Variants in ROBO2 observed in about 807,000 individuals in gnomAD.
ROBO2 encodes the protein roundabout guidance receptor 2.
A neutral mutation model predicts 160.8 loss-of-function variants in ROBO2; 53 were observed. That is an observed-to-expected ratio of 0.33 (90% confidence interval 0.26 to 0.41). The LOEUF (loss-of-function observed/expected upper bound fraction) is 0.41, where lower values mean the gene tolerates loss of function less well. ROBO2 is among the 10% of genes least tolerant of loss of function. The probability of loss-of-function intolerance (pLI) is 1.00; values close to 1 mark genes in which losing one functional copy is unlikely to be tolerated. For synonymous variants in ROBO2, 664 were observed against 611.7 expected, an observed-to-expected ratio of 1.09 and a Z score of -1.26; for missense variants, 1,577 against 1,722.4, an observed-to-expected ratio of 0.92 and a Z score of 1.49.
chr3:76,310,893 A>G (rs2071549196), intron 2 of ROBO2, among the ~76,000 whole-genome samples: 1 of 152,192 alleles, frequency 6.6e-6, no homozygotes, highest in African/African-American at 2.4e-5. Context: ...AGGATCACAC[A>G]GGCAGCCTGA....
intron 2 of ROBO2, among the ~76,000 whole-genome samples, chr3:76,191,071 A>G (rs993917537): frequency 4.6e-5 from 7 of 152,132 alleles, no homozygotes; most frequent in Non-Finnish European, 1.0e-4. Flanking sequence ...CAACAGTAGA[A>G]TATTATATTT....
chr3:76,578,575 G>A (rs1396712996), intron 2 of ROBO2, among the ~76,000 whole-genome samples: 2 of 152,118 alleles, frequency 1.3e-5, no homozygotes, highest in South Asian at 2.1e-4. Context: ...TCACATAGTT[G>A]GTGTTCTGTC....
rs570777763 is a variant in ROBO2 at position 77,405,007 on chromosome 3, C to CA, written c.389-72402dup. On this transcript the variant is annotated intron_variant, in intron 2 of 25. Transcript: ENST00000461745. The stretch of plus-strand genomic sequence containing the variant: ...CCTTGAACATGCACTTCCCTGAAAG[C>CA]AAAAATCACAGAATTGTTTGTTTAC... Among the ~76,000 whole-genome samples the CA allele has an allele frequency of 3.4e-4, 52 of 152,212 alleles. No homozygotes were observed. In the South Asian group the frequency reaches 0.01, roughly 30 times the overall value.
chr3:75,908,595 C>T (rs1334752667), intron 1 of ROBO2, among the ~76,000 whole-genome samples: 1 of 152,024 alleles, frequency 6.6e-6, no homozygotes, highest in African/African-American at 2.4e-5. Context: ...TGCTATTTAA[C>T]TTCAAGTTTA....
intron 2 of ROBO2, among the ~76,000 whole-genome samples, chr3:76,660,013 AG>A (rs1207273423): frequency 2.0e-5 from 3 of 152,228 alleles, no homozygotes; most frequent in Admixed American, 2.0e-4. Context: ...AGTGTCTTCC[AG>A]TATGGACTGT....
At chr3:76,494,381 G>T (rs928824699) in intron 2 of ROBO2, among the ~76,000 whole-genome samples, 1 of 152,152 alleles carries the variant, frequency 6.6e-6, no homozygotes, top group African/African-American at 2.4e-5. Context: ...CAAAAGAAAT[G>T]AAGATGGAAA....
chr3:76,448,884 A>G (rs889124358), intron 2 of ROBO2, among the ~76,000 whole-genome samples: 1 of 152,158 alleles, frequency 6.6e-6, no homozygotes, highest in Non-Finnish European at 1.5e-5. Context: ...AGTGAAATAC[A>G]AGTCTAAATC....
At chr3:76,392,539 G>A (rs985807004) in intron 2 of ROBO2, among the ~76,000 whole-genome samples, 1 of 152,064 alleles carries the variant, frequency 6.6e-6, no homozygotes, top group Non-Finnish European at 1.5e-5. Context: ...CTATTTGACT[G>A]ATTTTAAGAA....
At chr3:77,434,464 C>T (rs767443330) in intron 2 of ROBO2, among the ~76,000 whole-genome samples, 1 of 152,122 alleles carries the variant, frequency 6.6e-6, no homozygotes, top group East Asian at 1.9e-4. Context: ...CATCTCCTAA[C>T]ACAACTTTAT....
intron 2 of ROBO2, among the ~76,000 whole-genome samples, chr3:77,372,161 A>C (rs1358657431): frequency 6.6e-6 from 1 of 152,012 alleles, no homozygotes; most frequent in East Asian, 1.9e-4. Flanking sequence ...GGAAGGAGGG[A>C]GAGAGTGAAG....
At chr3:75,962,831 G>A (rs1948969155) in intron 2 of ROBO2, among the ~76,000 whole-genome samples, 1 of 151,792 alleles carries the variant, frequency 6.6e-6, no homozygotes, top group African/African-American at 2.4e-5. Context: ...TATTTCAAGT[G>A]GGAGACTATG....
rs2090711269 is a variant in ROBO2, at chr3:77,522,554, G to T, written c.807-221G>T. Reference sequence around the variant, plus strand: ...GAAGTGGAAAGAATTCTATACATATGTGAAGTATAGGTAACTGACAAACAG... The same window carrying T: ...GAAGTGGAAAGAATTCTATACATATTTGAAGTATAGGTAACTGACAAACAG... On this transcript the variant is annotated intron_variant, in intron 5 of 25. Coordinates refer to ENST00000461745, the Ensembl canonical transcript of ROBO2. 2.0e-5 allele frequency among the ~76,000 whole-genome samples: 3 copies of T among 151,308 alleles called. No homozygotes were observed. In the South Asian group the frequency reaches 6.2e-4, roughly 31 times the overall value.
rs57829219 is a variant in ROBO2, at chr3:77,328,062, C to CAA, written c.389-149335_389-149334dup. Among the ~76,000 whole-genome samples the CAA allele has an allele frequency of 8.8e-3, 988 of 112,752 alleles. 12 individuals are homozygous for CAA. Among genetic ancestry groups the CAA allele is most frequent in the East Asian group, 0.012 (48 of 3,912 alleles). 74.0% of individuals were successfully genotyped at this position (112,752 alleles called of 152,430 possible). On this transcript the variant is annotated intron_variant, in intron 2 of 25. Transcript: ENST00000461745. ...TGGGTGACAGTGTGAGACCGTATCT[C>CAA]AAAAAAAAAAAAAAAAAAGAAAAGA...
At chr3:76,707,157 A>G (rs891228373) in intron 2 of ROBO2, among the ~76,000 whole-genome samples, 2 of 152,172 alleles carry the variant, frequency 1.3e-5, no homozygotes, top group Admixed American at 1.3e-4. Context: ...TATTTGTTTT[A>G]AAGCCAGAAG....
At chr3:76,895,939 C>T (rs2074735948) in intron 2 of ROBO2, among the ~76,000 whole-genome samples, 1 of 152,178 alleles carries the variant, frequency 6.6e-6, no homozygotes, top group East Asian at 1.9e-4. Context: ...GGACGCTTTC[C>T]TTTTGCTCCT....
intron 2 of ROBO2, among the ~76,000 whole-genome samples, chr3:77,293,696 C>T (rs1329674228): frequency 2.2e-5 from 3 of 139,396 alleles, no homozygotes; most frequent in African/African-American, 8.8e-5. Context: ...GAAGTTGAGG[C>T]TAGAACAGTA....
intron 25 of ROBO2, among the ~76,000 whole-genome samples, chr3:77,645,847 G>T (rs1473409509): frequency 6.6e-6 from 1 of 151,640 alleles, no homozygotes; most frequent in Non-Finnish European, 1.5e-5. Context: ...AGTTCTACTG[G>T]GTGTTTACAT....
intron 2 of ROBO2, among the ~76,000 whole-genome samples, chr3:76,982,070 C>T (rs1004982295): frequency 1.3e-4 from 20 of 152,066 alleles, no homozygotes; most frequent in African/African-American, 4.6e-4. Flanking sequence ...CTAAAAAAAG[C>T]CTTTTAATTT....
chr3:77,182,275 C>T (rs1026796986), intron 2 of ROBO2, among the ~76,000 whole-genome samples: 3 of 152,012 alleles, frequency 2.0e-5, no homozygotes, highest in African/African-American at 7.2e-5. Context: ...TCAGAATTTA[C>T]TTGTTCATTC....
Sources: gnomAD v4.1 joint callset for allele counts (sites outside exome capture counted in the v4.1 genomes callset) on GRCh38, gnomAD v4.1.1 for gene constraint, MANE v1.5 for transcripts, NCBI Gene and HGNC (gene_info 2026-07-23, HGNC 2026-07-21) for gene names.